SP110: variants seen among roughly 807,000 people sequenced by gnomAD.
SP110 encodes SP110 nuclear body protein, also known as interferon-induced protein 41, 30kD.
In SP110, 62 loss-of-function variants were observed where a neutral mutation model predicts 92.7. That is an observed-to-expected ratio of 0.67 (90% CI 0.55 to 0.83). SP110 has a LOEUF of 0.83. SP110 is among the 40% of genes least tolerant of loss of function. SP110 has a pLI of 0.00. For synonymous variants in SP110, 273 were observed against 305.3 expected, an observed-to-expected ratio of 0.89 and a Z score of 1.10; for missense variants, 793 against 863.9, an observed-to-expected ratio of 0.92 and a Z score of 1.03.
At chr2:230,177,354 C>T in intron 14 of SP110, 184 bp downstream of exon 14, 1 of 704,690 alleles carries the variant, frequency 1.4e-6, no homozygotes. Flanking sequence ...TTAAAGTTCT[C>T]CACCATCAGG....
Position 230,165,529 on chromosome 2 carries a change from T to A in SP110, c.*3595A>T, listed in dbSNP as rs1448515412. Among the ~76,000 whole-genome samples the A allele has an allele frequency of 6.6e-6, 1 of 152,176 alleles. No individual in the cohort carries two copies. The highest frequency in any genetic ancestry group is 2.4e-5 in the African/African-American group (1 of 41,442). On this transcript the variant is annotated 3_prime_UTR_variant, in exon 19 of 19. Transcript: ENST00000258381. ...ACAAATAATTTACATAATGTGAAAC[T>A]AACAAATAATGACATAATATAATTG...
chr2:230,220,772 G>T (rs921450481), upstream of SP110, among the ~76,000 whole-genome samples: 1 of 152,210 alleles, frequency 6.6e-6, no homozygotes, highest in African/African-American at 2.4e-5. Context: ...AGGAGGCCAA[G>T]ATGGGAGGAT....
At chr2:230,220,134 G>C, upstream of SP110, 1 of 962,912 alleles carries the variant, frequency 1.0e-6, no homozygotes, top group Non-Finnish European at 1.2e-6. Context: ...AGGACGTCTT[G>C]GCAGTTGGGG....
chr2:230,184,877 A>T (rs2042285584), intron 11 of SP110, among the ~76,000 whole-genome samples: 2 of 152,256 alleles, frequency 1.3e-5, no homozygotes. Flanking sequence ...TACAGGTGTC[A>T]GCAAACTATG....
In SP110 at chr2:230,177,581, C is replaced by T. The variant is rs763875680; in HGVS notation, c.1547G>A (p.Arg516Gln). The change falls in exon 14 of 19, where the codon CGG (arginine) becomes CAG (glutamine). Residue 516 changes from arginine to glutamine, a missense_variant. Arg to Gln is a conservative substitution (Grantham distance 43). Coordinates refer to ENST00000258381, the MANE Select transcript of SP110 (RefSeq NM_080424.4). ...GGTCATTCCTTCACAACGTATATTC[C>T]GTTTCCAGTTCTTTGCGTTCCTTCC... ...GKGRNAKNWKRNIRCEGMTLG... is the reference protein window; with the variant it reads ...GKGRNAKNWKQNIRCEGMTLG... The T allele has an allele frequency of 6.8e-6, 11 of 1,614,096 alleles. No individual in the cohort carries two copies. Among genetic ancestry groups the T allele is most frequent in the South Asian group, 1.1e-5 (1 of 91,086 alleles).
chr2:230,207,838 A>G (rs2044037406), intron 8 of SP110, among the ~76,000 whole-genome samples, 153 bp downstream of exon 8: 1 of 152,158 alleles, frequency 6.6e-6, no homozygotes, highest in African/African-American at 2.4e-5. Flanking sequence ...ACACCGTAGC[A>G]AAATTGAGCT....
intron 10 of SP110, among the ~76,000 whole-genome samples, chr2:230,188,557 C>T (rs2042465246): frequency 6.6e-6 from 1 of 152,130 alleles, no homozygotes; most frequent in Non-Finnish European, 1.5e-5. Context: ...GCATCCTTGT[C>T]TTATTCCAGT....
intron 1 of SP110, among the ~76,000 whole-genome samples, chr2:230,218,197 G>A (rs1052492448): frequency 6.6e-6 from 1 of 152,124 alleles, no homozygotes; most frequent in Non-Finnish European, 1.5e-5. Context: ...GAACAAACAT[G>A]GATTCCACTT....
At chr2:230,182,930 G>T (rs892573422) in intron 12 of SP110, among the ~76,000 whole-genome samples, 1 of 152,134 alleles carries the variant, frequency 6.6e-6, no homozygotes, top group African/African-American at 2.4e-5. Context: ...CCTTATTCTT[G>T]TAGACCTGCC....
At chr2:230,173,444 A>G (rs6436917) in intron 14 of SP110, 144,780 of 193,656 alleles carry the variant, frequency 0.75, 55,113 homozygotes, top group Middle Eastern at 0.82. Flanking sequence ...CACAGTGGGC[A>G]TGGATGCTAT....
chr2:230,170,558 G>T lies in SP110; in HGVS notation c.2028+63C>A, dbSNP rs144409714. The T allele has an allele frequency of 4.5e-4, 721 of 1,589,126 alleles. 3 individuals are homozygous for T. In the East Asian group the frequency reaches 0.012, roughly 26 times the overall value. ...CTGAGTGTAATACTTGCAAAATTCT[G>T]CTGTCCCAGAAATTAGGGGAAAGTA... On this transcript the variant is annotated intron_variant, in intron 18 of 18. Transcript: ENST00000258381.
rs2148922663 is a variant in SP110 at position 230,212,339 on chromosome 2, A to G, written c.667+8T>C. On this transcript the variant is annotated splice_region_variant and intron_variant, in intron 5 of 18. Transcript: ENST00000258381. ...GAGCTAAGCGGTATCAGCCCCAGTC[A>G]GTGTTACCTTGCACAGTGCTAGTGA... is the stretch of plus-strand genomic sequence containing the variant. 1 of 1,599,040 alleles carries G rather than the reference A, an allele frequency of 6.3e-7. No individual in the cohort carries two copies. The highest frequency in any genetic ancestry group is 8.6e-7 in the Non-Finnish European group (1 of 1,166,222).
In SP110 at chr2:230,166,410, G is replaced by C. The variant is rs2078311451; in HGVS notation, c.*2714C>G. The stretch of plus-strand genomic sequence containing the variant: ...TTATTCCAGAATATATTAAAAGGTA[G>C]AAAATTTTACAAGTTATTTTACCGA... On this transcript the variant is annotated 3_prime_UTR_variant, in exon 19 of 19. Coordinates refer to ENST00000258381, the MANE Select transcript of SP110 (RefSeq NM_080424.4). 6.6e-6 allele frequency among the ~76,000 whole-genome samples: 1 copy of C among 152,146 alleles called. No homozygotes were observed. The highest frequency in any genetic ancestry group is 1.5e-5 in the Non-Finnish European group (1 of 68,030).
chr2:230,171,903 G>A, intron 16 of SP110, 136 bp from the exon 17 acceptor site: 2 of 857,514 alleles, frequency 2.3e-6, no homozygotes, highest in Non-Finnish European at 4.0e-6. Flanking sequence ...GGCGCACAGG[G>A]TGTGTGGGAT....
intron 8 of SP110, among the ~76,000 whole-genome samples, chr2:230,204,911 G>A (rs987950079): frequency 3.4e-4 from 52 of 152,156 alleles, no homozygotes; most frequent in African/African-American, 1.2e-3. Flanking sequence ...TCAAAGGGGA[G>A]AGAAATGAAA....
In SP110 at chr2:230,211,809, A is replaced by T. The variant is rs2044512685; in HGVS notation, c.668-256T>A. ...GTATTAGAGGAGTGGATGCAATATT[A>T]TTTGGATCGAAGAGGACCCCTCTTC... On this transcript the variant is annotated intron_variant, in intron 5 of 18. Coordinates refer to ENST00000258381, the MANE Select transcript of SP110 (RefSeq NM_080424.4). The surrounding 1 kb of genome is among the most constrained non-coding windows in gnomAD (Gnocchi z 4.2). Among the ~76,000 whole-genome samples the T allele has an allele frequency of 6.6e-6, 1 of 152,112 alleles. No homozygotes were observed.
chr2:230,207,307 G>C (rs1212281039), intron 8 of SP110, among the ~76,000 whole-genome samples: 1 of 152,144 alleles, frequency 6.6e-6, no homozygotes, highest in African/African-American at 2.4e-5. Context: ...TTGTGTATGG[G>C]AGACAGACGC....
At position 230,166,433 on chromosome 2, in the gene SP110, C is replaced by T. The variant is rs540657007; in HGVS notation, c.*2691G>A. On this transcript the variant is annotated 3_prime_UTR_variant, in exon 19 of 19. Transcript: ENST00000258381. ...TAGAAAATTTTACAAGTTATTTTAC[C>T]GAGGTAGGATAACCGTAAATCTGAC... is the stretch of plus-strand genomic sequence containing the variant. 2.0e-5 allele frequency among the ~76,000 whole-genome samples: 3 copies of T among 152,126 alleles called. No homozygotes were observed. Among genetic ancestry groups the T allele is most frequent in the East Asian group, 1.9e-4 (1 of 5,180 alleles).
At chr2:230,187,433 C>A (rs1245228643) in intron 10 of SP110, among the ~76,000 whole-genome samples, 1 of 152,122 alleles carries the variant, frequency 6.6e-6, no homozygotes, top group Non-Finnish European at 1.5e-5. Flanking sequence ...TTCTCCCATT[C>A]TGTGGGTTGT....
Sources: gnomAD v4.1 joint callset for allele counts (sites outside exome capture counted in the v4.1 genomes callset) on GRCh38, gnomAD v4.1.1 for gene constraint, Gnocchi (gnomAD v3.1) non-coding constraint, MANE v1.5 for transcripts, NCBI Gene and HGNC (gene_info 2026-07-23, HGNC 2026-07-21) for gene names.